Variants in TAOK3 observed in about 807,000 individuals in gnomAD.
TAOK3 encodes the protein TAO kinase 3.
Under a neutral mutation model 120.4 loss-of-function variants are expected in TAOK3, and 40 were observed. That is an observed-to-expected ratio of 0.33 (90% confidence interval 0.26 to 0.43). The LOEUF (loss-of-function observed/expected upper bound fraction) is 0.43. Ranked by LOEUF, TAOK3 falls within the 20% of genes least tolerant of loss-of-function variation. The probability of loss-of-function intolerance (pLI) is 1.00; values close to 1 mark genes in which losing one functional copy is unlikely to be tolerated. For synonymous variants in TAOK3, 355 were observed against 387.5 expected, an observed-to-expected ratio of 0.92 and a Z score of 0.99; for missense variants, 821 against 1,112.1, an observed-to-expected ratio of 0.74 and a Z score of 3.72.
At position 118,244,052 on chromosome 12, in the gene TAOK3, T is replaced by C. The variant is rs577467802; in HGVS notation, c.193-536A>G. ...ACCAAATACATTACAAAAAAGCCATTACACATACCCATGTTCTGGTCTGCA... is the reference window on the plus strand; with the variant it reads ...ACCAAATACATTACAAAAAAGCCATCACACATACCCATGTTCTGGTCTGCA... On this transcript the variant is annotated intron_variant, in intron 4 of 20. Coordinates refer to ENST00000392533, the MANE Select transcript of TAOK3 (RefSeq NM_016281.4). Among the ~76,000 whole-genome samples, 21 of 152,310 alleles carry C rather than the reference T, an allele frequency of 1.4e-4. No individual in the cohort carries two copies. In the South Asian group the frequency reaches 4.1e-3, roughly 30 times the overall value.
Position 118,161,946 on chromosome 12 carries a change from A to T in TAOK3, c.1981T>A (p.Tyr661Asn), listed in dbSNP as rs760620263. Residue 661 changes from tyrosine to asparagine, a missense_variant, in exon 18 of 21, where the codon TAC becomes AAC. This residue lies in a region of TAOK3 where 354 missense variants were observed against 572.1 expected (regional missense o/e 0.62). Coordinates refer to ENST00000392533, the MANE Select transcript of TAOK3 (RefSeq NM_016281.4). This position sits in a 1 kb window ranked among gnomAD's most constrained non-coding sequence, Gnocchi z 4.5. ...TTCTGTAACGTGTGCAGCTGCCTGT[A>T]CTCTAGCTCTCGGGTGGACTCGTCG... is the stretch of plus-strand genomic sequence containing the variant. ...RHDESTRELE[Y>N]RQLHTLQKLR... 1 of 1,610,698 alleles carries T rather than the reference A, an allele frequency of 6.2e-7. No homozygotes were observed. The highest frequency in any genetic ancestry group is 8.5e-7 in the Non-Finnish European group (1 of 1,178,788).
rs147307407 is a variant in TAOK3 at position 118,152,485 on chromosome 12, C to T, written c.2353-76G>A. The T allele has an allele frequency of 6.1e-5, 87 of 1,418,482 alleles. No individual in the cohort carries two copies. In the East Asian group the frequency reaches 2.0e-3, roughly 32 times the overall value. 87.9% of individuals were successfully genotyped at this position (1,418,482 alleles called of 1,614,324 possible). A position where few individuals can be genotyped will look rare whatever the true frequency, so the allele number is the denominator to read the frequency against. On this transcript the variant is annotated intron_variant, in intron 19 of 20. Coordinates refer to ENST00000392533, the MANE Select transcript of TAOK3 (RefSeq NM_016281.4). ...GGTGGCCTACAGCCCTTGGTGACTA[C>T]TGGAAGAGGTTTCCTCATTTGGATT...
At chr12:118,189,381 C>T (rs1264987880) in intron 14 of TAOK3, among the ~76,000 whole-genome samples, 3 of 151,892 alleles carry the variant, frequency 2.0e-5, no homozygotes, top group Admixed American at 6.6e-5. Context: ...AGCACAGTGC[C>T]GTGCATACAT....
Position 118,160,111 on chromosome 12 carries a change from C to G in TAOK3, c.2352+35G>C. 1 of 1,514,494 alleles carries G rather than the reference C, an allele frequency of 6.6e-7. No homozygotes were observed. Among genetic ancestry groups the G allele is most frequent in the Non-Finnish European group, 9.2e-7 (1 of 1,089,934 alleles). 93.8% of individuals were successfully genotyped at this position (1,514,494 alleles called of 1,614,324 possible). On this transcript the variant is annotated intron_variant, in intron 19 of 20. Transcript: ENST00000392533. The surrounding 1 kb of genome is among the most constrained non-coding windows in gnomAD (Gnocchi z 4.2). ...TCTTGGATTTTCTTGATTCCCAAAGCTCTCGAAGCCGTGGCACCAAACCTA... is the reference window on the plus strand; with the variant it reads ...TCTTGGATTTTCTTGATTCCCAAAGGTCTCGAAGCCGTGGCACCAAACCTA...
chr12:118,177,457 A>G, intron 15 of TAOK3, 128 bp from the exon 16 acceptor site: 4 of 618,690 alleles, frequency 6.5e-6, no homozygotes, highest in Admixed American at 3.7e-5. Flanking sequence ...CAAATATTAA[A>G]AAATAATTGT....
At chr12:118,304,590 TA>T (rs1402248422) in intron 1 of TAOK3, among the ~76,000 whole-genome samples, 7 of 152,122 alleles carry the variant, frequency 4.6e-5, no homozygotes, top group African/African-American at 1.2e-4. Flanking sequence ...AATGTTCTCT[TA>T]AAAAAAATGT....
intron 3 of TAOK3, among the ~76,000 whole-genome samples, chr12:118,251,825 CTT>C (rs761219744): frequency 6.3e-5 from 9 of 142,190 alleles, no homozygotes; most frequent in Admixed American, 7.0e-5. Flanking sequence ...GGTTTGGCTG[CTT>C]TTTTTTTTTT....
chr12:118,153,065 T>G lies in TAOK3; in HGVS notation c.2353-656A>C, dbSNP rs576135420. On this transcript the variant is annotated intron_variant, in intron 19 of 20. Coordinates refer to ENST00000392533, the MANE Select transcript of TAOK3 (RefSeq NM_016281.4). Reference sequence around the variant, plus strand: ...AAGTAGTAATGTTGGCACCTATTGTTGGCTATAAAAGTTACATTGCTAGCC... The same window carrying G: ...AAGTAGTAATGTTGGCACCTATTGTGGGCTATAAAAGTTACATTGCTAGCC... Among the ~76,000 whole-genome samples, 37 of 152,306 alleles carry G rather than the reference T, an allele frequency of 2.4e-4. 2 individuals are homozygous for G. The South Asian group carries it at 7.3e-3, about 30-fold the overall frequency.
Position 118,233,687 on chromosome 12 carries a change from A to G in TAOK3, c.630T>C (p.Thr210=). ...GKVDIWSLGI[T]CIELAERKPP... The stretch of plus-strand genomic sequence containing the variant: ...CTCTTTACTCACCCAATTCAATACA[A>G]GTGATGCCAAGTGACCAAATATCAA... Residue 210 remains threonine (T), a synonymous_variant, in exon 9 of 21, where the codon ACT becomes ACC. Coordinates refer to ENST00000392533, the MANE Select transcript of TAOK3 (RefSeq NM_016281.4). 1 of 1,608,970 alleles carries G rather than the reference A, an allele frequency of 6.2e-7. No individual in the cohort carries two copies. Among genetic ancestry groups the G allele is most frequent in the Non-Finnish European group, 8.5e-7 (1 of 1,176,752 alleles).
intron 6 of TAOK3, among the ~76,000 whole-genome samples, chr12:118,238,635 A>T (rs1001878283): frequency 1.3e-4 from 19 of 144,118 alleles, no homozygotes; most frequent in South Asian, 2.2e-4. Context: ...CAGTGATTTA[A>T]TTTTTTTTTT....
chr12:118,242,573 C>G (rs1327266219), intron 5 of TAOK3, among the ~76,000 whole-genome samples: 2 of 151,982 alleles, frequency 1.3e-5, no homozygotes, highest in Non-Finnish European at 2.9e-5. Flanking sequence ...TAAAAATATA[C>G]TAAGGGCCGA....
At chr12:118,272,291 C>CA (rs773516018) in intron 1 of TAOK3, among the ~76,000 whole-genome samples, 5,571 of 63,754 alleles carry the variant, frequency 0.087, 200 homozygotes, top group African/African-American at 0.12. Context: ...GACTCCATCT[C>CA]AAAAAAAAAA....
At chr12:118,354,579 C>T (rs961509665) in intron 1 of TAOK3, among the ~76,000 whole-genome samples, 7 of 151,900 alleles carry the variant, frequency 4.6e-5, no homozygotes, top group Non-Finnish European at 8.8e-5. Context: ...ATGTCCCCAC[C>T]CAAATCTCAT....
intron 15 of TAOK3, among the ~76,000 whole-genome samples, chr12:118,181,115 G>A (rs34315452): frequency 0.04 from 6,121 of 152,288 alleles, 180 homozygotes; most frequent in Non-Finnish European, 0.06. Flanking sequence ...AAAGTGCTGG[G>A]ATTACAGGCG....
chr12:118,209,777 G>C (rs1474802606), intron 11 of TAOK3, among the ~76,000 whole-genome samples: 1 of 150,850 alleles, frequency 6.6e-6, no homozygotes, highest in Admixed American at 6.6e-5. Flanking sequence ...GCAATGGCAG[G>C]ATCTCGGCTC....
rs557029441 is a variant in TAOK3, at chr12:118,228,597, A to T, written c.643+5077T>A. Among the ~76,000 whole-genome samples, 168 of 152,344 alleles carry T rather than the reference A, an allele frequency of 1.1e-3. 2 individuals are homozygous for T. The South Asian group carries it at 0.016, about 15-fold the overall frequency. ...GAGATTTATCCATGATGATACATGT[A>T]GATCCAGTTCATTCTTAACTATGAT... On this transcript the variant is annotated intron_variant, in intron 9 of 20. Transcript: ENST00000392533.
At chr12:118,257,656 C>T (rs2041047812) in intron 2 of TAOK3, among the ~76,000 whole-genome samples, 1 of 147,304 alleles carries the variant, frequency 6.8e-6, no homozygotes, top group South Asian at 2.2e-4. Flanking sequence ...GGGTCTCATG[C>T]TAGGAGAAGA....
At chr12:118,284,333 A>G (rs1314460117) in intron 1 of TAOK3, among the ~76,000 whole-genome samples, 1 of 152,214 alleles carries the variant, frequency 6.6e-6, no homozygotes, top group South Asian at 2.1e-4. Flanking sequence ...AATGTTGGCA[A>G]TAAAATTGAA....
chr12:118,233,664 C>A lies in TAOK3; in HGVS notation c.643+10G>T. ...AAAAATACAATGAAAACAAATAACT[C>A]TTTACTCACCCAATTCAATACAAGT... is the stretch of plus-strand genomic sequence containing the variant. On this transcript the variant is annotated intron_variant, in intron 9 of 20. Coordinates refer to ENST00000392533, the MANE Select transcript of TAOK3 (RefSeq NM_016281.4). 6.3e-7 allele frequency: 1 copy of A among 1,577,970 alleles called. No homozygotes were observed. Among genetic ancestry groups the A allele is most frequent in the Non-Finnish European group, 8.7e-7 (1 of 1,149,712 alleles).
Sources: gnomAD v4.1 joint callset for allele counts (sites outside exome capture counted in the v4.1 genomes callset) on GRCh38, gnomAD v4.1.1 for gene constraint, gnomAD v4.1.1 regional missense constraint, Gnocchi (gnomAD v3.1) non-coding constraint, MANE v1.5 for transcripts, NCBI Gene and HGNC (gene_info 2026-07-23, HGNC 2026-07-21) for gene names.